TAPT1: variants seen among roughly 807,000 people sequenced by gnomAD.
The protein encoded by TAPT1 is transmembrane anterior posterior transformation 1, also known as transmembrane anterior posterior transformation protein 1 homolog.
A neutral mutation model predicts 65.6 loss-of-function variants in TAPT1; 28 were observed. That is an observed-to-expected ratio of 0.43 (90% CI 0.32 to 0.59). TAPT1 has a LOEUF of 0.59. TAPT1 is among the 20% of genes least tolerant of loss of function. TAPT1 has a pLI of 0.09. For synonymous variants in TAPT1, 278 were observed against 245.2 expected, an observed-to-expected ratio of 1.13 and a Z score of -1.25; for missense variants, 563 against 679.9, an observed-to-expected ratio of 0.83 and a Z score of 1.91.
chr4:16,206,755 A>G (rs2149707347), intron 2 of TAPT1, among the ~76,000 whole-genome samples: 1 of 152,242 alleles, frequency 6.6e-6, no homozygotes, highest in Admixed American at 6.5e-5. Context: ...CTGTTTCCAA[A>G]GCTGAAATGA....
rs1215125904 is a variant in TAPT1, at chr4:16,218,122, G to C, written c.200-4224C>G. 2.6e-5 allele frequency among the ~76,000 whole-genome samples: 4 copies of C among 152,342 alleles called. No homozygotes were observed. In the East Asian group the frequency reaches 7.7e-4, roughly 29 times the overall value. On this transcript the variant is annotated intron_variant, in intron 1 of 13. Transcript: ENST00000405303. Reference sequence around the variant, plus strand: ...AATTAAATAAAAAGGTTTATTTGGGGCCGGGCATAGTGGCTCACGCCCGTA... The same window carrying C: ...AATTAAATAAAAAGGTTTATTTGGGCCCGGGCATAGTGGCTCACGCCCGTA...
chr4:16,181,067 C>T (rs1169960200), intron 7 of TAPT1, among the ~76,000 whole-genome samples: 1 of 152,174 alleles, frequency 6.6e-6, no homozygotes, highest in Non-Finnish European at 1.5e-5. Context: ...AAAGAGGATA[C>T]AGGTTAAAGG....
chr4:16,201,761 T>G (rs1750045329), intron 3 of TAPT1, among the ~76,000 whole-genome samples: 1 of 137,138 alleles, frequency 7.3e-6, no homozygotes, highest in South Asian at 2.2e-4. Flanking sequence ...ATGCTGGGTA[T>G]TTTTTTTACA....
chr4:16,204,702 G>C (rs1750242582), intron 2 of TAPT1, among the ~76,000 whole-genome samples: 1 of 152,218 alleles, frequency 6.6e-6, no homozygotes, highest in Non-Finnish European at 1.5e-5. Flanking sequence ...CATGGCCGCA[G>C]TCTAGTACCA....
rs369677446 is a variant in TAPT1, at chr4:16,176,075, C to T, written c.1107+44G>A. The T allele has an allele frequency of 8.5e-6, 8 of 937,364 alleles. No individual in the cohort carries two copies. The African/African-American group carries it at 1.2e-4, about 14-fold the overall frequency. The allele number at this position is 937,364 out of a possible 1,614,324, so 58.1% of individuals were successfully genotyped here. A position where few individuals can be genotyped will look rare whatever the true frequency, so the allele number is the denominator to read the frequency against. On this transcript the variant is annotated intron_variant, in intron 9 of 13. Coordinates refer to ENST00000405303, the MANE Select transcript of TAPT1 (RefSeq NM_153365.3). ...TCTACAACTTTTAAAAATTAAGCAACAGAAGTAAACTTTAAACATTGAAGT... is the reference window on the plus strand; with the variant it reads ...TCTACAACTTTTAAAAATTAAGCAATAGAAGTAAACTTTAAACATTGAAGT...
chr4:16,164,021 C>T (rs1040741371), intron 13 of TAPT1, among the ~76,000 whole-genome samples: 1 of 152,120 alleles, frequency 6.6e-6, no homozygotes, highest in Non-Finnish European at 1.5e-5. Flanking sequence ...AACAAACAAA[C>T]AAATAAACAA....
intron 3 of TAPT1, among the ~76,000 whole-genome samples, chr4:16,200,462 C>T (rs1749963513): frequency 6.6e-6 from 1 of 152,024 alleles, no homozygotes; most frequent in South Asian, 2.1e-4. Context: ...GTAGCTGGGA[C>T]CACAGACATG....
At chr4:16,197,458 C>T (rs922834723) in intron 3 of TAPT1, among the ~76,000 whole-genome samples, 5 of 152,154 alleles carry the variant, frequency 3.3e-5, no homozygotes, top group East Asian at 1.9e-4. Context: ...TTTTAACTTA[C>T]GTGACTGAGA....
chr4:16,188,123 A>G (rs1335406127), intron 5 of TAPT1, 97 bp downstream of exon 5: 4 of 1,021,712 alleles, frequency 3.9e-6, no homozygotes, highest in Non-Finnish European at 4.2e-6. Flanking sequence ...TACATACATT[A>G]TCTATATATC....
In TAPT1 at chr4:16,185,419, A is replaced by G. The variant is rs1299263679; in HGVS notation, c.916+1116T>C. Among the ~76,000 whole-genome samples the G allele has an allele frequency of 2.0e-5, 3 of 150,356 alleles. No individual in the cohort carries two copies. In the East Asian group the frequency reaches 5.9e-4, roughly 30 times the overall value. On this transcript the variant is annotated intron_variant, in intron 7 of 13. Coordinates refer to ENST00000405303, the MANE Select transcript of TAPT1 (RefSeq NM_153365.3). ...GTTTCACTCTAGTCACCCAGGCTGGAGTGCTCTAGTACAATCTTGGCTCAC... is the reference window on the plus strand; with the variant it reads ...GTTTCACTCTAGTCACCCAGGCTGGGGTGCTCTAGTACAATCTTGGCTCAC...
chr4:16,166,989 C>CTATT, intron 12 of TAPT1, 196 bp from the exon 13 acceptor site: 2 of 292,808 alleles, frequency 6.8e-6, no homozygotes, highest in Non-Finnish European at 1.2e-5. Context: ...TTCCTTAGTT[C>CTATT]TCTTTTTTTT....
chr4:16,227,186 G>A (rs942045302), upstream of TAPT1: 4 of 455,840 alleles, frequency 8.8e-6, no homozygotes, highest in African/African-American at 8.0e-5. Flanking sequence ...AGGTGGGGAC[G>A]CGCAGGGGAG....
chr4:16,224,121 C>T (rs1751415191), intron 1 of TAPT1, among the ~76,000 whole-genome samples: 1 of 152,196 alleles, frequency 6.6e-6, no homozygotes, highest in African/African-American at 2.4e-5. Context: ...TAAGTCCGAG[C>T]ATCTAGCCGT....
intron 12 of TAPT1, among the ~76,000 whole-genome samples, chr4:16,169,451 G>A (rs1056242554): frequency 4.3e-4 from 66 of 152,302 alleles, no homozygotes; most frequent in African/African-American, 1.4e-3. Context: ...ATTGAGGGGC[G>A]GTGTGAGAAT....
intron 13 of TAPT1, among the ~76,000 whole-genome samples, chr4:16,164,029 C>T (rs1328392680): frequency 1.3e-5 from 2 of 152,124 alleles, no homozygotes; most frequent in Non-Finnish European, 2.9e-5. Context: ...AACAAATAAA[C>T]AAAACCCCCA....
chr4:16,224,720 T>TG (rs1290765374), intron 1 of TAPT1, among the ~76,000 whole-genome samples: 1 of 152,116 alleles, frequency 6.6e-6, no homozygotes, highest in Non-Finnish European at 1.5e-5. Flanking sequence ...ACCATGTTGG[T>TG]GAAGAATGGA....
Position 16,163,466 on chromosome 4 carries a change from G to A in TAPT1, c.1546C>T (p.Pro516Ser), listed in dbSNP as rs1320865474. ...TCAGAATTGCTTGTCACAAGTAATG[G>A]TATGATATTTTCCTTTTGATGAATA... ...QPIHQKENIIPLLVTSNSDQF... is the reference protein window; with the variant it reads ...QPIHQKENIISLLVTSNSDQF... Residue 516 changes from proline to serine, a missense_variant, in exon 14 of 14, where the codon CCA becomes TCA. Transcript: ENST00000405303. 6.2e-7 allele frequency: 1 copy of A among 1,614,008 alleles called. No individual in the cohort carries two copies. The highest frequency in any genetic ancestry group is 2.2e-5 in the East Asian group (1 of 44,880).
chr4:16,179,688 T>C (rs773131143), intron 7 of TAPT1, 31 bp from the exon 8 acceptor site: 6 of 1,169,152 alleles, frequency 5.1e-6, no homozygotes, highest in South Asian at 1.5e-5. Flanking sequence ...ATAAGTACTG[T>C]AGTGTATATA....
At chr4:16,209,883 G>A (rs746425487) in intron 2 of TAPT1, among the ~76,000 whole-genome samples, 1 of 152,194 alleles carries the variant, frequency 6.6e-6, no homozygotes, top group African/African-American at 2.4e-5. Context: ...GGATACAAGA[G>A]GTGGGATGTA....
Sources: gnomAD v4.1 joint callset for allele counts (sites outside exome capture counted in the v4.1 genomes callset) on GRCh38, gnomAD v4.1.1 for gene constraint, MANE v1.5 for transcripts, NCBI Gene and HGNC (gene_info 2026-07-23, HGNC 2026-07-21) for gene names.